Variants in VWA3B observed in about 807,000 individuals in gnomAD.
VWA3B encodes von Willebrand factor A domain-containing protein 3B.
In VWA3B, 138 loss-of-function variants were observed where a neutral mutation model predicts 158.3. The ratio of observed to expected loss-of-function variants is 0.87; its 90% confidence interval spans 0.76 to 1.00. The LOEUF is 1.00. VWA3B is among the 50% of genes least tolerant of loss of function. VWA3B has a pLI of 0.00. For missense variants in VWA3B, 1,555 were observed against 1,565.1 expected (o/e 0.99, Z 0.11); for synonymous variants, 596 against 587.3 (o/e 1.01, Z -0.21).
intron 8 of VWA3B, among the ~76,000 whole-genome samples, chr2:98,175,352 C>T (rs1558636027): frequency 6.6e-6 from 1 of 151,950 alleles, no homozygotes; most frequent in Non-Finnish European, 1.5e-5. Context: ...TTAGAGATAT[C>T]AATAATGAGA....
intron 2 of VWA3B, among the ~76,000 whole-genome samples, chr2:98,099,990 T>C (rs1403591474): frequency 1.3e-5 from 2 of 152,320 alleles, no homozygotes. Context: ...TTCTCTGTAT[T>C]TTCTTGAAGT....
chr2:98,223,605 A>G (rs2105647991), intron 14 of VWA3B, among the ~76,000 whole-genome samples: 1 of 152,342 alleles, frequency 6.6e-6, no homozygotes, highest in Non-Finnish European at 1.5e-5. Context: ...CACCAATTCA[A>G]TTGCAGATTT....
chr2:98,240,253 TACTATTTTAAAA>T (rs1338839882), intron 19 of VWA3B, among the ~76,000 whole-genome samples: 1 of 152,212 alleles, frequency 6.6e-6, no homozygotes, highest in East Asian at 1.9e-4. Context: ...CATATACATT[TACTATTTTAAAA>T]ACTATTTTAA....
At chr2:98,287,909 T>C (rs554631664) in intron 22 of VWA3B, among the ~76,000 whole-genome samples, 19 of 152,342 alleles carry the variant, frequency 1.2e-4, no homozygotes, top group Admixed American at 1.1e-3. Flanking sequence ...ATATCAATTC[T>C]ATCATTTCTG....
At chr2:98,131,957 T>C (rs1037885942) in intron 6 of VWA3B, among the ~76,000 whole-genome samples, 19 of 152,202 alleles carry the variant, frequency 1.2e-4, no homozygotes, top group Admixed American at 9.8e-4. Flanking sequence ...CTTTGAAATC[T>C]TTTAACATCA....
rs1689183912 is a variant in VWA3B, at chr2:98,286,681, A to T, written c.3046-3830A>T. On this transcript the variant is annotated intron_variant, in intron 22 of 27. Transcript: ENST00000477737. ...ATACAATACTGGATTTATTTGCTAT[A>T]TTTTCTTATGGATTTTGTGTCTACA... Among the ~76,000 whole-genome samples the T allele has an allele frequency of 3.3e-5, 5 of 152,038 alleles. No individual in the cohort carries two copies. The South Asian group carries it at 1.0e-3, about 32-fold the overall frequency.
chr2:98,217,064 C>G, intron 13 of VWA3B: 1 of 1,075,236 alleles, frequency 9.3e-7, no homozygotes, highest in Non-Finnish European at 1.2e-6. Context: ...TGCTGGGGAG[C>G]TGGGCAGAGG....
chr2:98,128,599 A>G (rs1001942907), intron 6 of VWA3B, among the ~76,000 whole-genome samples, 191 bp downstream of exon 6: 1 of 152,108 alleles, frequency 6.6e-6, no homozygotes, highest in Admixed American at 6.6e-5. Flanking sequence ...ATTTTCTGCA[A>G]TTCTTATGCT....
At chr2:98,198,913 C>A (rs1048052113) in intron 12 of VWA3B, among the ~76,000 whole-genome samples, 2 of 151,944 alleles carry the variant, frequency 1.3e-5, no homozygotes, top group Non-Finnish European at 2.9e-5. Context: ...GGTGAAACCC[C>A]GTCTCTACTA....
chr2:98,132,512 T>C (rs1014504866), intron 6 of VWA3B, among the ~76,000 whole-genome samples: 3 of 152,238 alleles, frequency 2.0e-5, no homozygotes, highest in African/African-American at 7.2e-5. Context: ...CGCTGTGCTC[T>C]AAGGCTCAAA....
chr2:98,174,594 C>G (rs1310232946), intron 8 of VWA3B, among the ~76,000 whole-genome samples: 1 of 152,134 alleles, frequency 6.6e-6, no homozygotes, highest in African/African-American at 2.4e-5. Context: ...AGAGGTAAAC[C>G]AAAACACTTA....
At chr2:98,234,861 A>G in intron 17 of VWA3B, 94 bp downstream of exon 17, 1 of 1,529,696 alleles carries the variant, frequency 6.5e-7, no homozygotes, top group Non-Finnish European at 8.8e-7. Context: ...TGGGGAAATC[A>G]TATTTTAAAT....
intron 20 of VWA3B, among the ~76,000 whole-genome samples, chr2:98,251,669 C>T (rs1229253254): frequency 1.3e-5 from 2 of 152,206 alleles, no homozygotes; most frequent in African/African-American, 4.8e-5. Context: ...TGGCCCAGGC[C>T]AGCGTATGTT....
In VWA3B at chr2:98,192,975, C is replaced by A; in HGVS notation, c.1544C>A (p.Thr515Lys). Residue 515 changes from threonine to lysine, a missense_variant, in exon 11 of 28, where the codon ACG (threonine) becomes AAG (lysine). Transcript: ENST00000477737. Reference sequence around the variant, plus strand: ...GATTGCATCTACATTCTCATTGACACGTCTCACTCAATGAAGAGCAAACTG... The same window carrying A: ...GATTGCATCTACATTCTCATTGACAAGTCTCACTCAATGAAGAGCAAACTG... Reference protein sequence around the residue: ...HNDCIYILIDTSHSMKSKLDL... With the variant: ...HNDCIYILIDKSHSMKSKLDL... The A allele has an allele frequency of 6.2e-7, 1 of 1,614,096 alleles. No homozygotes were observed. Among genetic ancestry groups the A allele is most frequent in the South Asian group, 1.1e-5 (1 of 91,076 alleles).
downstream of VWA3B, among the ~76,000 whole-genome samples, chr2:98,313,776 TG>T (rs1247685761): frequency 6.6e-6 from 1 of 152,062 alleles, no homozygotes; most frequent in African/African-American, 2.4e-5. Flanking sequence ...TGTCTGGTGG[TG>T]GGGTATGAGC....
intron 2 of VWA3B, among the ~76,000 whole-genome samples, chr2:98,109,104 T>G (rs1392819720): frequency 1.3e-5 from 2 of 151,728 alleles, no homozygotes; most frequent in African/African-American, 4.8e-5. Flanking sequence ...GCAATTCTCC[T>G]GCCTCAGCCT....
chr2:98,304,692 A>G (rs758186431), intron 26 of VWA3B, among the ~76,000 whole-genome samples: 1 of 152,016 alleles, frequency 6.6e-6, no homozygotes, highest in Non-Finnish European at 1.5e-5. Context: ...CCAGAGGCCC[A>G]TCCTCCACTG....
At chr2:98,163,528 C>T (rs1410325446) in intron 8 of VWA3B, among the ~76,000 whole-genome samples, 1 of 152,068 alleles carries the variant, frequency 6.6e-6, no homozygotes, top group African/African-American at 2.4e-5. Flanking sequence ...TGGAGAGAGA[C>T]TCTGTCTCAA....
At chr2:98,089,384 G>A (rs1472375802) in intron 1 of VWA3B, among the ~76,000 whole-genome samples, 1 of 152,166 alleles carries the variant, frequency 6.6e-6, no homozygotes. Flanking sequence ...GGCTGCGGAA[G>A]GTTGTGAAGG....
Sources: allele counts gnomAD v4.1 joint callset (sites outside exome capture counted in the v4.1 genomes callset), GRCh38; gene constraint gnomAD v4.1.1; transcripts MANE v1.5; gene names NCBI Gene and HGNC (gene_info 2026-07-23, HGNC 2026-07-21).